Variants in POLDIP2 observed in about 807,000 individuals in gnomAD.
POLDIP2 encodes polymerase delta-interacting protein 2.
Under a neutral mutation model 52.9 loss-of-function variants are expected in POLDIP2, and 32 were observed. The ratio of observed to expected loss-of-function variants is 0.61; its 90% CI spans 0.46 to 0.81. POLDIP2 has a LOEUF of 0.81. POLDIP2 is among the 40% of genes least tolerant of loss of function. The pLI, the probability that POLDIP2 is intolerant of heterozygous loss-of-function variation, is 0.00. For missense variants in POLDIP2, 371 were observed against 477.3 expected, an observed-to-expected ratio of 0.78 and a Z score of 2.07; for synonymous variants, 183 against 183.0, an observed-to-expected ratio of 1.00 and a Z score of 0.00.
Position 28,353,711 on chromosome 17 carries a change from C to A in POLDIP2, c.422G>T (p.Arg141Leu). 6.2e-7 allele frequency: 1 copy of A among 1,611,688 alleles called. No homozygotes were observed. The highest frequency in any genetic ancestry group is 8.5e-7 in the Non-Finnish European group (1 of 1,178,252). The change falls in exon 4 of 11, where the codon CGT becomes CTT. Residue 141 changes from arginine (R) to leucine (L), a missense_variant. By Grantham distance (102) the Arg-to-Leu change is moderately radical. Coordinates refer to ENST00000540200, the MANE Select transcript of POLDIP2 (RefSeq NM_015584.5). ...HTYYQVLIDA[R>L]DCPHISQRSQ... Reference sequence around the variant, plus strand: ...CTTACTTACTATATGTGGGCAGTCACGAGCATCAATCAGCACCTGATAGTA... The same window carrying A: ...CTTACTTACTATATGTGGGCAGTCAAGAGCATCAATCAGCACCTGATAGTA...
Position 28,351,791 on chromosome 17 carries a change from A to G in POLDIP2, c.632T>C (p.Phe211Ser), listed in dbSNP as rs1907804376. The change falls in exon 7 of 11, where the codon TTT becomes TCT. Residue 211 changes from phenylalanine (F) to serine (S), a missense_variant. Phe to Ser is a radical substitution (Grantham distance 155). Transcript: ENST00000540200. Reference sequence around the variant, plus strand: ...GGCCCTTAGCGTCTCCCGAGCCACAAAAGGAGGTGCTGGGGCAAGATACAA... The same window carrying G: ...GGCCCTTAGCGTCTCCCGAGCCACAGAAGGAGGTGCTGGGGCAAGATACAA... ...LLYDQTKAPP[F>S]VARETLRAWQ... is the part of the protein sequence containing the mutation. The G allele has an allele frequency of 1.2e-6, 2 of 1,613,626 alleles. No individual in the cohort carries two copies. The highest frequency in any genetic ancestry group is 2.2e-5 in the South Asian group (2 of 91,068).
At chr17:28,350,146 A>G (rs782060293) in intron 9 of POLDIP2, among the ~76,000 whole-genome samples, 1 of 152,208 alleles carries the variant, frequency 6.6e-6, no homozygotes, top group Non-Finnish European at 1.5e-5. Flanking sequence ...ACCAGTTTTA[A>G]AAACTACACA....
intron 2 of POLDIP2, 99 bp from the exon 3 acceptor site, chr17:28,354,684 C>A (rs950308004): frequency 1.4e-6 from 1 of 738,106 alleles, no homozygotes; most frequent in Non-Finnish European, 2.4e-6. Context: ...AACTCCAGCA[C>A]AAGGTCTTGC....
intron 3 of POLDIP2, 87 bp downstream of exon 3, chr17:28,354,401 C>T (rs79207839): frequency 0.018 from 16,357 of 907,502 alleles, 198 homozygotes; most frequent in Non-Finnish European, 0.024. Context: ...CCTAGGAGGA[C>T]GCTGTCTTCA....
chr17:28,350,555 G>A lies in POLDIP2; in HGVS notation c.795C>T (p.Tyr265=). The change falls in exon 9 of 11, where the codon TAC becomes TAT. Residue 265 remains tyrosine, a synonymous_variant. Transcript: ENST00000540200. ...TGTCAAGGTTCTCCAAACGGATACA[G>A]TAGCGCCACTGAGGTGGGTGTGGGA... ...AQNSHVYWWR[Y]CIRLENLDSD... 1 of 1,613,296 alleles carries A rather than the reference G, an allele frequency of 6.2e-7. No individual in the cohort carries two copies. Among genetic ancestry groups the A allele is most frequent in the South Asian group, 1.1e-5 (1 of 90,924 alleles).
intron 6 of POLDIP2, among the ~76,000 whole-genome samples, chr17:28,352,237 CTT>C (rs782311219): frequency 2.3e-4 from 20 of 87,660 alleles, no homozygotes; most frequent in East Asian, 5.1e-4. Context: ...GGAATTATTT[CTT>C]TTTTTTTTTT....
In POLDIP2 at chr17:28,355,792, C is replaced by T. The variant is rs369626736; in HGVS notation, c.243+3G>A. 8.1e-6 allele frequency: 13 copies of T among 1,608,684 alleles called. No homozygotes were observed. Among genetic ancestry groups the T allele is most frequent in the Middle Eastern group, 1.6e-4 (1 of 6,078 alleles). The stretch of plus-strand genomic sequence containing the variant: ...ATGAAAGATGACCCAGCCCAATACT[C>T]ACCTGCCCGGTCTCATATTTTCCAT... On this transcript the variant is annotated splice_donor_region_variant and intron_variant, in intron 2 of 10. Transcript: ENST00000540200.
intron 1 of POLDIP2, 89 bp downstream of exon 1, chr17:28,357,199 G>A (rs568515451): frequency 1.6e-6 from 2 of 1,243,374 alleles, no homozygotes; most frequent in Non-Finnish European, 2.2e-6. Context: ...ACCCTCAGCA[G>A]GCCCGGGCCC....
In POLDIP2 at chr17:28,348,193, A is replaced by G. The variant is rs1907660240; in HGVS notation, c.1031T>C (p.Phe344Ser). The G allele has an allele frequency of 6.2e-7, 1 of 1,613,918 alleles. No individual in the cohort carries two copies. The highest frequency in any genetic ancestry group is 1.1e-5 in the South Asian group (1 of 91,084). Residue 344 changes from phenylalanine (F) to serine (S), a missense_variant, in exon 11 of 11, where the codon TTT (phenylalanine) becomes TCT (serine). Physicochemically the swap from Phe to Ser is radical, Grantham distance 155. Coordinates refer to ENST00000540200, the MANE Select transcript of POLDIP2 (RefSeq NM_015584.5). ...FRFERPDGSH[F>S]DVRIPPFSLE... The stretch of plus-strand genomic sequence containing the variant: ...GGAGAAGGGAGGAATCCGAACATCA[A>G]AGTGGGAGCCATCAGGTCTTTCAAA...
chr17:28,348,482 C>G (rs1198281690), intron 10 of POLDIP2, among the ~76,000 whole-genome samples: 1 of 152,214 alleles, frequency 6.6e-6, no homozygotes, highest in African/African-American at 2.4e-5. Context: ...GCCAGCAGAT[C>G]ACCTGAGGTC....
intron 9 of POLDIP2, among the ~76,000 whole-genome samples, chr17:28,350,222 G>A (rs1375173533): frequency 6.6e-6 from 1 of 152,160 alleles, no homozygotes; most frequent in Non-Finnish European, 1.5e-5. Flanking sequence ...TGGGACCATG[G>A]GCTGGTTATT....
chr17:28,350,545 A>G lies in POLDIP2; in HGVS notation c.805T>C (p.Leu269=), dbSNP rs1202867674. The G allele has an allele frequency of 9.9e-6, 16 of 1,613,642 alleles. No homozygotes were observed. Among genetic ancestry groups the G allele is most frequent in the Admixed American group, 1.7e-5 (1 of 59,940 alleles). The change falls in exon 9 of 11, where the codon TTG becomes CTG. Residue 269 remains leucine, a synonymous_variant. Coordinates refer to ENST00000540200, the MANE Select transcript of POLDIP2 (RefSeq NM_015584.5). ...HVYWWRYCIR[L]ENLDSDVVQL... is the part of the protein sequence containing the mutation. ...ACCACATCACTGTCAAGGTTCTCCA[A>G]ACGGATACAGTAGCGCCACTGAGGT...
chr17:28,349,184 G>A (rs1907703026), intron 9 of POLDIP2, 22 bp from the exon 10 acceptor site: 6 of 1,588,310 alleles, frequency 3.8e-6, no homozygotes, highest in Non-Finnish European at 5.2e-6. Flanking sequence ...TAGGCAAAAT[G>A]GGTCAGGCCA....
Position 28,347,764 on chromosome 17 carries a change from C to CT in POLDIP2, c.*352dup, listed in dbSNP as rs2142391541. 5.2e-6 allele frequency: 1 copy of CT among 193,938 alleles called. No individual in the cohort carries two copies. Among genetic ancestry groups the CT allele is most frequent in the South Asian group, 1.1e-4 (1 of 9,296 alleles). The allele number at this position is 193,938 out of a possible 1,614,324, so 12.0% of individuals were successfully genotyped here. A position where few individuals can be genotyped will look rare whatever the true frequency, so the allele number is the denominator to read the frequency against. ...ACTGGGTCAGAAGGGGAGCCTGAGACTCTGGGAGCAGAAATGGCAAGGGTG... is the reference window on the plus strand; with the variant it reads ...ACTGGGTCAGAAGGGGAGCCTGAGACTTCTGGGAGCAGAAATGGCAAGGGTG... On this transcript the variant is annotated 3_prime_UTR_variant, in exon 11 of 11. Transcript: ENST00000540200.
intron 4 of POLDIP2, 64 bp from the exon 5 acceptor site, chr17:28,353,380 G>A (rs1215329539): frequency 1.1e-6 from 1 of 872,582 alleles, no homozygotes; most frequent in Non-Finnish European, 1.9e-6. Context: ...AAATTAGGCT[G>A]GTGTGGTGGC....
intron 6 of POLDIP2, among the ~76,000 whole-genome samples, chr17:28,352,606 C>T (rs1286927912): frequency 7.0e-6 from 1 of 143,064 alleles, no homozygotes; most frequent in African/African-American, 2.6e-5. Context: ...GGTGCAATCT[C>T]GGCTCACTGC....
Position 28,357,472 on chromosome 17 carries a change from C to A in POLDIP2, c.-24G>T. On this transcript the variant is annotated 5_prime_UTR_variant, in exon 1 of 11. Transcript: ENST00000540200. ...ATGTCCCGCCCGAGCGCCCGCCCGG[C>A]TGCTGACACAGAGCCCGACCCGCGG... The A allele has an allele frequency of 7.0e-7, 1 of 1,427,836 alleles. No homozygotes were observed. Among genetic ancestry groups the A allele is most frequent in the South Asian group, 1.5e-5 (1 of 66,070 alleles). 88.4% of individuals were successfully genotyped at this position (1,427,836 alleles called of 1,614,324 possible). A position where few individuals can be genotyped will look rare whatever the true frequency, so the allele number is the denominator to read the frequency against.
At chr17:28,350,220 T>C (rs1224144151) in intron 9 of POLDIP2, among the ~76,000 whole-genome samples, 8 of 152,214 alleles carry the variant, frequency 5.3e-5, no homozygotes, top group Non-Finnish European at 1.2e-4. Context: ...TATGGGACCA[T>C]GGGCTGGTTA....
At chr17:28,354,038 C>T (rs1479786918) in intron 3 of POLDIP2, among the ~76,000 whole-genome samples, 1 of 152,122 alleles carries the variant, frequency 6.6e-6, no homozygotes, top group Non-Finnish European at 1.5e-5. Flanking sequence ...AAGAAGGGGG[C>T]CATGTTGAGA....
Sources: gnomAD v4.1 joint callset for allele counts (sites outside exome capture counted in the v4.1 genomes callset) on GRCh38, gnomAD v4.1.1 for gene constraint, MANE v1.5 for transcripts, NCBI Gene and HGNC (gene_info 2026-07-23, HGNC 2026-07-21) for gene names.